CLEC16A: variants seen among roughly 807,000 people sequenced by gnomAD.
The protein encoded by CLEC16A is protein CLEC16A.
A neutral mutation model predicts 109.5 loss-of-function variants in CLEC16A; 51 were observed. That is an observed-to-expected ratio of 0.47 (90% CI 0.37 to 0.59). The LOEUF is 0.59. CLEC16A is among the 20% of genes least tolerant of loss of function. CLEC16A has a pLI of 0.00. For missense variants in CLEC16A, 1,339 were observed against 1,394.0 expected, an observed-to-expected ratio of 0.96 and a Z score of 0.63; for synonymous variants, 673 against 564.2, an observed-to-expected ratio of 1.19 and a Z score of -2.73.
intron 19 of CLEC16A, among the ~76,000 whole-genome samples, chr16:11,082,324 A>G (rs1426953328): frequency 6.6e-6 from 1 of 152,210 alleles, no homozygotes. Context: ...TAGGGCTCCC[A>G]GGTGGCTGCC....
intron 12 of CLEC16A, among the ~76,000 whole-genome samples, chr16:11,023,830 G>A (rs528871326): frequency 1.3e-5 from 2 of 152,300 alleles, no homozygotes; most frequent in East Asian, 3.9e-4. Context: ...CTGTTCTCTT[G>A]GCCTCAGCCT....
intron 1 of CLEC16A, among the ~76,000 whole-genome samples, chr16:10,953,065 C>G (rs769803682): frequency 4.6e-5 from 7 of 151,946 alleles, no homozygotes; most frequent in Non-Finnish European, 1.0e-4. Context: ...TTAAAAGGGC[C>G]AAGAATAGGC....
At chr16:11,011,807 C>T (rs988063764) in intron 11 of CLEC16A, among the ~76,000 whole-genome samples, 1 of 152,058 alleles carries the variant, frequency 6.6e-6, no homozygotes. Context: ...TACCAGTACC[C>T]CCAATTCCAG....
chr16:10,972,443 T>A (rs2042837688), intron 5 of CLEC16A, 111 bp from the exon 6 acceptor site: 2 of 909,386 alleles, frequency 2.2e-6, no homozygotes, highest in East Asian at 5.0e-5. Flanking sequence ...CCTCCCACCC[T>A]AGTCTCTCTC....
chr16:11,067,189 G>GTTTTTT (rs71406205), intron 19 of CLEC16A, among the ~76,000 whole-genome samples: 13 of 98,940 alleles, frequency 1.3e-4, no homozygotes, highest in Non-Finnish European at 1.6e-4. Context: ...GTTTGTTTTT[G>GTTTTTT]TTTTTTTTTT....
chr16:11,009,114 C>A (rs2045236906), intron 11 of CLEC16A, among the ~76,000 whole-genome samples: 1 of 152,186 alleles, frequency 6.6e-6, no homozygotes, highest in Non-Finnish European at 1.5e-5. Flanking sequence ...TAACTCCCCA[C>A]CCCACCCTTT....
intron 22 of CLEC16A, among the ~76,000 whole-genome samples, chr16:11,142,970 C>G (rs900365688): frequency 6.6e-5 from 10 of 152,184 alleles, no homozygotes; most frequent in African/African-American, 2.4e-4. Context: ...GCCACCACGC[C>G]TAGCTAATTT....
chr16:11,120,817 CA>C, intron 20 of CLEC16A, 51 bp downstream of exon 20: 2 of 1,123,862 alleles, frequency 1.8e-6, no homozygotes, highest in African/African-American at 1.6e-5. Flanking sequence ...TACAAACACA[CA>C]CACACACACA....
chr16:11,114,151 G>A (rs1035099372), intron 19 of CLEC16A, among the ~76,000 whole-genome samples: 1 of 150,798 alleles, frequency 6.6e-6, no homozygotes, highest in Admixed American at 6.6e-5. Context: ...GTGTGTGTGT[G>A]TGTGTGTGTG....
chr16:11,088,888 A>G (rs2050153553), intron 19 of CLEC16A, among the ~76,000 whole-genome samples: 1 of 152,228 alleles, frequency 6.6e-6, no homozygotes. Flanking sequence ...TAGGCTACCA[A>G]GTAATATAGA....
At chr16:11,035,741 A>G (rs2046980776) in intron 13 of CLEC16A, among the ~76,000 whole-genome samples, 2 of 152,248 alleles carry the variant, frequency 1.3e-5, no homozygotes, top group South Asian at 4.1e-4. Flanking sequence ...TTGTCATCTT[A>G]GCAGAATCCT....
chr16:11,145,415 C>T (rs1489482712), intron 22 of CLEC16A, among the ~76,000 whole-genome samples: 1 of 152,238 alleles, frequency 6.6e-6, no homozygotes, highest in Non-Finnish European at 1.5e-5. Context: ...TCATCCGCGG[C>T]CTCTCCCACT....
chr16:11,087,481 T>G (rs2050074442), intron 19 of CLEC16A, among the ~76,000 whole-genome samples: 1 of 152,264 alleles, frequency 6.6e-6, no homozygotes, highest in Non-Finnish European at 1.5e-5. Flanking sequence ...CTACTACTTG[T>G]TTTTTTATGC....
At chr16:11,015,860 G>T (rs532701730) in intron 11 of CLEC16A, among the ~76,000 whole-genome samples, 2 of 152,362 alleles carry the variant, frequency 1.3e-5, no homozygotes, top group East Asian at 3.9e-4. Flanking sequence ...TGAGCCTGGG[G>T]AAGGAGAACT....
intron 2 of CLEC16A, among the ~76,000 whole-genome samples, chr16:10,958,690 G>A (rs1167762235): frequency 6.6e-6 from 1 of 152,126 alleles, no homozygotes; most frequent in Non-Finnish European, 1.5e-5. Context: ...GATCGCTTGA[G>A]CCCAGGAGTT....
chr16:11,140,435 T>C (rs1820230984), intron 22 of CLEC16A, among the ~76,000 whole-genome samples: 1 of 152,214 alleles, frequency 6.6e-6, no homozygotes, highest in African/African-American at 2.4e-5. Flanking sequence ...AACGTTCTTT[T>C]TTTGGCCAGA....
At chr16:11,170,914 G>A (rs1447356070) in intron 23 of CLEC16A, among the ~76,000 whole-genome samples, 1 of 152,216 alleles carries the variant, frequency 6.6e-6, no homozygotes, top group Non-Finnish European at 1.5e-5. Context: ...GCTCCCAGAG[G>A]TGGCATCGCT....
chr16:11,157,196 G>C, intron 22 of CLEC16A: 1 of 1,251,638 alleles, frequency 8.0e-7, no homozygotes, highest in Non-Finnish European at 1.0e-6. Flanking sequence ...CCGTTGAAAA[G>C]CAATCAGAAA....
At position 10,946,007 on chromosome 16, in the gene CLEC16A, T is replaced by A. The variant is rs189556138; in HGVS notation, c.80+1210T>A. On this transcript the variant is annotated intron_variant, in intron 1 of 23. Transcript: ENST00000409790. ...AATGAATGATTGAATTGGGGAGAGA[T>A]GAAGAGCATGCAGGCCAGGACCCAG... is the stretch of plus-strand genomic sequence containing the variant. 2.1e-3 allele frequency among the ~76,000 whole-genome samples: 323 copies of A among 152,068 alleles called. 2 individuals carry two copies. Among genetic ancestry groups the A allele is most frequent in the South Asian group, 1.9e-3 (9 of 4,806 alleles).
Sources: gnomAD v4.1 joint callset for allele counts (sites outside exome capture counted in the v4.1 genomes callset) on GRCh38, gnomAD v4.1.1 for gene constraint, MANE v1.5 for transcripts, NCBI Gene and HGNC (gene_info 2026-07-23, HGNC 2026-07-21) for gene names.